The following TMED1 variants were observed in gnomAD, a reference collection of about 807,000 sequenced individuals.
TMED1 encodes transmembrane emp24 domain-containing protein 1.
TMED1 carries 20 observed loss-of-function variants against 21.2 expected under a neutral mutation model. The ratio of observed to expected loss-of-function variants is 0.95; its 90% CI spans 0.67 to 1.37. The LOEUF is 1.37. Among genes scored for constraint, TMED1 ranks in the 40% most tolerant of loss-of-function variants. The probability of loss-of-function intolerance (pLI) is 0.00; values close to 1 mark genes in which losing one functional copy is unlikely to be tolerated. For missense variants in TMED1, 316 were observed against 309.8 expected, an observed-to-expected ratio of 1.02 and a Z score of -0.15; for synonymous variants, 149 against 134.7, an observed-to-expected ratio of 1.11 and a Z score of -0.74.
At chr19:10,834,854 G>A (rs1317034627) in intron 3 of TMED1, 80 bp downstream of exon 3, 1 of 1,498,208 alleles carries the variant, frequency 6.7e-7, no homozygotes, top group Non-Finnish European at 9.1e-7. Flanking sequence ...ACGGAGGGGA[G>A]GCTGGGTCAG....
At chr19:10,833,498 A>G (rs887150875) in intron 3 of TMED1, 4 of 474,888 alleles carry the variant, frequency 8.4e-6, no homozygotes, top group African/African-American at 7.8e-5. Flanking sequence ...ATGGTGGCTC[A>G]TGCCTATAAT....
intron 3 of TMED1, chr19:10,833,465 T>C: frequency 1.8e-6 from 1 of 554,868 alleles, no homozygotes; most frequent in Admixed American, 3.1e-5. Flanking sequence ...ATTTAATGCC[T>C]AAATAAATGT....
intron 3 of TMED1, among the ~76,000 whole-genome samples, chr19:10,833,790 T>A (rs1425728102): frequency 6.6e-6 from 1 of 150,910 alleles, no homozygotes; most frequent in Non-Finnish European, 1.5e-5. Flanking sequence ...ACACCCGTAG[T>A]CCCACTGAGG....
In TMED1 at chr19:10,832,942, T is replaced by C; in HGVS notation, c.*53A>G. The C allele has an allele frequency of 6.3e-7, 1 of 1,592,482 alleles. No homozygotes were observed. The highest frequency in any genetic ancestry group is 1.1e-5 in the South Asian group (1 of 90,648). On this transcript the variant is annotated 3_prime_UTR_variant, in exon 4 of 4. Coordinates refer to ENST00000214869, the MANE Select transcript of TMED1 (RefSeq NM_006858.4). ...TGGGGAGGGACCCCCAAGTCTCATATGCACACACCCTGCTGCCCCTCCTTT... is the reference window on the plus strand; with the variant it reads ...TGGGGAGGGACCCCCAAGTCTCATACGCACACACCCTGCTGCCCCTCCTTT...
chr19:10,835,098 C>G lies in TMED1; in HGVS notation c.301G>C (p.Gly101Arg). 6.2e-7 allele frequency: 1 copy of G among 1,613,858 alleles called. No individual in the cohort carries two copies. Residue 101 changes from glycine (G) to arginine (R), a missense_variant, in exon 3 of 4, where the codon GGG becomes CGG. By Grantham distance (125) the Gly-to-Arg change is moderately radical (BLOSUM62 -2). Coordinates refer to ENST00000214869, the MANE Select transcript of TMED1 (RefSeq NM_006858.4). ...TTGTCAAAGCACAGCTTGTAGTCCC[C>G]GGCCTCCGTTGGCTCCACCCTGGGC... ...GVHTVEPTEAGDYKLCFDNSF... is the reference protein window; with the variant it reads ...GVHTVEPTEARDYKLCFDNSF...
At chr19:10,835,594 G>A in intron 1 of TMED1, 1 of 1,417,714 alleles carries the variant, frequency 7.1e-7, no homozygotes, top group Non-Finnish European at 9.2e-7. Context: ...GTACTTAATG[G>A]ACGTTTACCT....
Position 10,832,377 on chromosome 19 carries a change from GC to G in TMED1, c.*617del, listed in dbSNP as rs1568327096. 1.6e-6 allele frequency: 2 copies of G among 1,289,600 alleles called. No individual in the cohort carries two copies. Among genetic ancestry groups the G allele is most frequent in the African/African-American group, 1.5e-5 (1 of 65,874 alleles). 79.9% of individuals were successfully genotyped at this position (1,289,600 alleles called of 1,614,324 possible). A position where few individuals can be genotyped will look rare whatever the true frequency, so the allele number is the denominator to read the frequency against. The stretch of plus-strand genomic sequence containing the variant: ...GGAGGCCCCTCCCACCTGTCTGGCT[GC>G]CCCCTCGGGGGCCGGTCTGTCCTGG... On this transcript the variant is annotated 3_prime_UTR_variant, in exon 4 of 4. Transcript: ENST00000214869.
At chr19:10,833,423 C>T (rs150256132) in intron 3 of TMED1, 9 of 592,606 alleles carry the variant, frequency 1.5e-5, no homozygotes, top group African/African-American at 1.3e-4. Context: ...GAGCCTGTTT[C>T]CTCTTCTATA....
At chr19:10,834,837 C>T in intron 3 of TMED1, 97 bp downstream of exon 3, 1 of 1,375,338 alleles carries the variant, frequency 7.3e-7, no homozygotes, top group African/African-American at 1.4e-5. Context: ...AGTTGGAGGG[C>T]ACAACTACGG....
rs771334522 is a variant in TMED1, at chr19:10,835,355, T to TG, written c.184-3dup. The TG allele has an allele frequency of 2.2e-5, 36 of 1,613,146 alleles. No homozygotes were observed. Among genetic ancestry groups the TG allele is most frequent in the African/African-American group, 2.7e-5 (2 of 74,902 alleles). ...GTCCAGTCCAGCACCTCCGATCACC[T>TG]GGGGGGCAGGTAAGAGCGGGTGGAG... On this transcript the variant is annotated splice_region_variant and splice_polypyrimidine_tract_variant and intron_variant, in intron 1 of 3. Transcript: ENST00000214869.
Position 10,836,000 on chromosome 19 carries a change from A to T in TMED1, c.183+9T>A. On this transcript the variant is annotated intron_variant, in intron 1 of 3. Transcript: ENST00000214869. ...GACTCTGCTGGCCGCCCAGCCCGCG[A>T]CCCTCTACCTGGTATTCGGTCTCGA... 1 of 1,576,714 alleles carries T rather than the reference A, an allele frequency of 6.3e-7. No homozygotes were observed.
At position 10,836,198 on chromosome 19, in the gene TMED1, C is replaced by T. The variant is rs2073427751; in HGVS notation, c.-7G>A. The T allele has an allele frequency of 6.5e-7, 1 of 1,546,288 alleles. No homozygotes were observed. The highest frequency in any genetic ancestry group is 8.7e-7 in the Non-Finnish European group (1 of 1,149,474). The stretch of plus-strand genomic sequence containing the variant: ...CCGCGCCGGCCGCCATCATCCGGGT[C>T]ACCCTCTGGTCTGCAAAGGGGTCGC... On this transcript the variant is annotated 5_prime_UTR_variant, in exon 1 of 4. Coordinates refer to ENST00000214869, the MANE Select transcript of TMED1 (RefSeq NM_006858.4).
In TMED1 at chr19:10,836,111, C is replaced by T. The variant is rs1312231085; in HGVS notation, c.81G>A (p.Pro27=). The T allele has an allele frequency of 1.9e-6, 3 of 1,581,320 alleles. No individual in the cohort carries two copies. Among genetic ancestry groups the T allele is most frequent in the South Asian group, 1.1e-5 (1 of 87,138 alleles). The part of the protein sequence containing the change: ...PPVEVGGAGP[P]PIQDGEFTFL... ...ACGTGAACTCACCGTCCTGGATTGG[C>T]GGGGGCCCCGCCCCTCCCACCTCCA... The change falls in exon 1 of 4, where the codon CCG becomes CCA. Residue 27 remains proline (P), a synonymous_variant. Coordinates refer to ENST00000214869, the MANE Select transcript of TMED1 (RefSeq NM_006858.4).
At chr19:10,834,852 G>A (rs1453346169) in intron 3 of TMED1, 82 bp downstream of exon 3, 1 of 1,484,704 alleles carries the variant, frequency 6.7e-7, no homozygotes, top group Admixed American at 2.0e-5. Flanking sequence ...CTACGGAGGG[G>A]AGGCTGGGTC....
rs550633003 is a variant in TMED1 at position 10,832,941 on chromosome 19, A to G, written c.*54T>C. On this transcript the variant is annotated 3_prime_UTR_variant, in exon 4 of 4. Coordinates refer to ENST00000214869, the MANE Select transcript of TMED1 (RefSeq NM_006858.4). ...TTGGGGAGGGACCCCCAAGTCTCAT[A>G]TGCACACACCCTGCTGCCCCTCCTT... 1 of 1,591,646 alleles carries G rather than the reference A, an allele frequency of 6.3e-7. No homozygotes were observed. The highest frequency in any genetic ancestry group is 2.2e-5 in the East Asian group (1 of 44,660).
chr19:10,833,448 T>C (rs767548946), intron 3 of TMED1: 60 of 578,040 alleles, frequency 1.0e-4, no homozygotes, highest in South Asian at 2.1e-4. Context: ...TCCAAATTGC[T>C]GTGAACATTT....
rs1288518725 is a variant in TMED1 at position 10,835,019 on chromosome 19, C to T, written c.380G>A (p.Ser127Asn). The change falls in exon 3 of 4, where the codon AGC becomes AAC. Residue 127 changes from serine (S) to asparagine (N), a missense_variant. Coordinates refer to ENST00000214869, the MANE Select transcript of TMED1 (RefSeq NM_006858.4). ...TTCGACCTCCTCGTCATCCTGGAGG[C>T]TGTCAAAGATCAGTTCAAAGAACAC... ...KLVFFELIFD[S>N]LQDDEEVEGW... 3.1e-6 allele frequency: 5 copies of T among 1,614,110 alleles called. No individual in the cohort carries two copies. Among genetic ancestry groups the T allele is most frequent in the Non-Finnish European group, 4.2e-6 (5 of 1,180,042 alleles).
rs918857424 is a variant in TMED1 at position 10,832,329 on chromosome 19, C to T, written c.*666G>A. 53 of 1,289,732 alleles carry T rather than the reference C, an allele frequency of 4.1e-5. No homozygotes were observed. The Admixed American group carries it at 6.4e-4, about 16-fold the overall frequency. The allele number at this position is 1,289,732 out of a possible 1,614,324, so 79.9% of individuals were successfully genotyped here. On this transcript the variant is annotated 3_prime_UTR_variant, in exon 4 of 4. Coordinates refer to ENST00000214869, the MANE Select transcript of TMED1 (RefSeq NM_006858.4). ...GCGACCACCTCCATCGGCTCCCGCA[C>T]GACCTTTCTTCTGAGCTTCGTGGGA...
In TMED1 at chr19:10,836,019, G is replaced by T. The variant is rs1396531721; in HGVS notation, c.173C>A (p.Thr58Asn). 3.1e-6 allele frequency: 5 copies of T among 1,594,282 alleles called. No homozygotes were observed. Among genetic ancestry groups the T allele is most frequent in the Non-Finnish European group, 4.3e-6 (5 of 1,171,108 alleles). The change falls in exon 1 of 4, where the codon ACC becomes AAC. Residue 58 changes from threonine to asparagine, a missense_variant. Physicochemically the swap from Thr to Asn is moderately conservative, Grantham distance 65 (BLOSUM62 0). Transcript: ENST00000214869. ...QSAPANASLE[T>N]EYQVIGGAGL... is the part of the protein sequence containing the mutation. The stretch of plus-strand genomic sequence containing the variant: ...CCCGCGACCCTCTACCTGGTATTCG[G>T]TCTCGAGGCTTGCGTTGGCCGGCGC...
Sources: allele counts gnomAD v4.1 joint callset (sites outside exome capture counted in the v4.1 genomes callset), GRCh38; gene constraint gnomAD v4.1.1; transcripts MANE v1.5; gene names NCBI Gene and HGNC (gene_info 2026-07-23, HGNC 2026-07-21).